The following PLD2 variants were observed in gnomAD, a reference collection of about 807,000 sequenced individuals.
PLD2 encodes choline phosphatase 2.
Under a neutral mutation model 119.8 loss-of-function variants are expected in PLD2, and 101 were observed. That is an observed-to-expected ratio of 0.84 (90% CI 0.72 to 0.99). The LOEUF (loss-of-function observed/expected upper bound fraction) is 0.99. PLD2 is among the 50% of genes least tolerant of loss of function. The pLI, the probability that PLD2 is intolerant of heterozygous loss-of-function variation, is 0.00. For synonymous variants in PLD2, 494 were observed against 482.8 expected, an observed-to-expected ratio of 1.02 and a Z score of -0.30; for missense variants, 1,164 against 1,226.8, an observed-to-expected ratio of 0.95 and a Z score of 0.76.
chr17:4,816,800 TG>T (rs1444039925), intron 15 of PLD2, 54 bp downstream of exon 15: 1 of 1,613,408 alleles, frequency 6.2e-7, no homozygotes, highest in Non-Finnish European at 8.5e-7. Flanking sequence ...GGTCAGAAGC[TG>T]GGGCTGGTAC....
rs778484982 is a variant in PLD2, at chr17:4,808,370, G to T, written c.337G>T (p.Asp113Tyr). The T allele has an allele frequency of 1.2e-6, 2 of 1,613,956 alleles. No homozygotes were observed. The highest frequency in any genetic ancestry group is 1.1e-5 in the South Asian group (1 of 91,070). Reference sequence around the variant, plus strand: ...CCGTCATTTTCAGGAGCTGCATCGGGACCTCCTGAGACACAAAGTCTTGAT... The same window carrying T: ...CCGTCATTTTCAGGAGCTGCATCGGTACCTCCTGAGACACAAAGTCTTGAT... ...KYRHFQELHR[D>Y]LLRHKVLMSL... Residue 113 changes from aspartate to tyrosine, a missense_variant, in exon 4 of 25, where the codon GAC becomes TAC. Transcript: ENST00000263088. The surrounding 1 kb of genome is among the most constrained non-coding windows in gnomAD (Gnocchi z 4.1).
intron 23 of PLD2, among the ~76,000 whole-genome samples, chr17:4,820,743 ATT>A: frequency 6.8e-6 from 1 of 146,522 alleles, no homozygotes; most frequent in Non-Finnish European, 1.5e-5. Context: ...CGCCCGGCTA[ATT>A]TTTTGTATTT....
At position 4,807,941 on chromosome 17, in the gene PLD2, G is replaced by A; in HGVS notation, c.110-43G>A. On this transcript the variant is annotated intron_variant, in intron 2 of 24. Transcript: ENST00000263088. The surrounding 1 kb of genome is among the most constrained non-coding windows in gnomAD (Gnocchi z 5.4). Reference sequence around the variant, plus strand: ...GAGGCGTTCGGGAGCCAGGGGGCTGGGGCCTGTTGTGGTCTACACTCCTCG... The same window carrying A: ...GAGGCGTTCGGGAGCCAGGGGGCTGAGGCCTGTTGTGGTCTACACTCCTCG... 1 of 1,606,436 alleles carries A rather than the reference G, an allele frequency of 6.2e-7. No individual in the cohort carries two copies. The highest frequency in any genetic ancestry group is 1.1e-5 in the South Asian group (1 of 90,806).
rs1286300046 is a variant in PLD2, at chr17:4,816,981, G to A, written c.1627G>A (p.Val543Ile). 3.7e-6 allele frequency: 6 copies of A among 1,614,068 alleles called. No individual in the cohort carries two copies. The highest frequency in any genetic ancestry group is 1.1e-5 in the South Asian group (1 of 91,076). The change falls in exon 16 of 25, where the codon GTT (valine) becomes ATT (isoleucine). Residue 543 changes from valine (V) to isoleucine (I), a missense_variant. By Grantham distance (29) the Val-to-Ile change is conservative (BLOSUM62 3). Transcript: ENST00000263088. ...ETTPRMPWRD[V>I]GVVVHGLPAR... ...GACCCCTCGGATGCCATGGCGGGAC[G>A]TTGGGGTGGTCGTCCATGGCCTACC...
rs901360927 is a variant in PLD2 at position 4,815,841 on chromosome 17, C to T, written c.1362C>T (p.Phe454=). 2 of 1,613,990 alleles carry T rather than the reference C, an allele frequency of 1.2e-6. No homozygotes were observed. The highest frequency in any genetic ancestry group is 2.7e-5 in the African/African-American group (2 of 74,908). ...TGGTGGTGGACCAAGTGGTAGCATT[C>T]CTGGGGGGACTGGACCTTGCCTATG... ...KLLVVDQVVA[F]LGGLDLAYGR... Residue 454 remains phenylalanine (F), a synonymous_variant, in exon 14 of 25, where the codon TTC becomes TTT. Transcript: ENST00000263088.
intron 10 of PLD2, among the ~76,000 whole-genome samples, chr17:4,813,454 TACAA>T (rs1431560474): frequency 1.3e-5 from 2 of 152,254 alleles, no homozygotes; most frequent in Non-Finnish European, 1.5e-5. Context: ...TTTTCACTCT[TACAA>T]ACAATGTGAT....
Position 4,819,029 on chromosome 17 carries a change from AG to A in PLD2, c.2174-52del, listed in dbSNP as rs1907346581. ...TTTCTGGAGTGAGAGGAGGTGGGAC[AG>A]GGCCCTGTGCACACAGAGCCACCTC... On this transcript the variant is annotated intron_variant, in intron 21 of 24. Transcript: ENST00000263088. The surrounding 1 kb of genome is among the most constrained non-coding windows in gnomAD (Gnocchi z 4.2). 6.2e-7 allele frequency: 1 copy of A among 1,604,366 alleles called. No homozygotes were observed.
At position 4,818,834 on chromosome 17, in the gene PLD2, G is replaced by A. The variant is rs915387723; in HGVS notation, c.2173+11G>A. The stretch of plus-strand genomic sequence containing the variant: ...GCCTTAAAGCAGCCAGTGAGTGCTG[G>A]GGGCTGGGGGCTCAAGCCCTGGGCC... On this transcript the variant is annotated intron_variant, in intron 21 of 24. Coordinates refer to ENST00000263088, the MANE Select transcript of PLD2 (RefSeq NM_002663.5). 1.2e-6 allele frequency: 2 copies of A among 1,613,490 alleles called. No homozygotes were observed. The highest frequency in any genetic ancestry group is 2.7e-5 in the African/African-American group (2 of 74,920).
At position 4,822,926 on chromosome 17, in the gene PLD2, C is replaced by A; in HGVS notation, c.*62C>A. The A allele has an allele frequency of 1.1e-6, 1 of 916,164 alleles. No homozygotes were observed. The highest frequency in any genetic ancestry group is 1.7e-6 in the Non-Finnish European group (1 of 578,870). The allele number at this position is 916,164 out of a possible 1,614,324, so 56.8% of individuals were successfully genotyped here. ...TGCCCCACCACGTCTGGCTCCCTGC[C>A]CCTTAACCCCAAGGACTGAGGGCAG... On this transcript the variant is annotated 3_prime_UTR_variant, in exon 25 of 25. Coordinates refer to ENST00000263088, the MANE Select transcript of PLD2 (RefSeq NM_002663.5).
At chr17:4,810,645 C>CAAAAATAAATAAATAA (rs1258581549) in intron 9 of PLD2, among the ~76,000 whole-genome samples, 157 bp from the exon 10 acceptor site, 2 of 151,864 alleles carry the variant, frequency 1.3e-5, no homozygotes, top group African/African-American at 4.8e-5. Flanking sequence ...AACTCTGTCT[C>CAAAAATAAATAAATAA]AAAAATAAAT....
chr17:4,820,871 C>G (rs1449831128), intron 23 of PLD2, among the ~76,000 whole-genome samples: 1 of 147,132 alleles, frequency 6.8e-6, no homozygotes, highest in Non-Finnish European at 1.5e-5. Context: ...CCACCACGCC[C>G]GGCCAAAAAA....
rs574935758 is a variant in PLD2 at position 4,818,482 on chromosome 17, C to G, written c.2010-12C>G. 5 of 1,607,884 alleles carry G rather than the reference C, an allele frequency of 3.1e-6. No homozygotes were observed. The highest frequency in any genetic ancestry group is 4.3e-6 in the Non-Finnish European group (5 of 1,174,412). Reference sequence around the variant, plus strand: ...GGGACCAGTCGCACCTCTGACTCCACCCCCTCCCCAGACAGGGGTGGTGTT... The same window carrying G: ...GGGACCAGTCGCACCTCTGACTCCAGCCCCTCCCCAGACAGGGGTGGTGTT... On this transcript the variant is annotated splice_polypyrimidine_tract_variant and intron_variant, in intron 19 of 24. Coordinates refer to ENST00000263088, the MANE Select transcript of PLD2 (RefSeq NM_002663.5).
Position 4,816,940 on chromosome 17 carries a change from T to G in PLD2, c.1586T>G (p.Phe529Cys). Residue 529 changes from phenylalanine to cysteine, a missense_variant, in exon 16 of 25, where the codon TTC becomes TGC. Phe to Cys is a radical substitution (Grantham distance 205). Transcript: ENST00000263088. ...TGACTCTCCTGGGACCCCCCAGATT[T>G]CATTGACAGGGAGACGACCCCTCGG... ...WVQLDRPFED[F>C]IDRETTPRMP... 1 of 1,612,178 alleles carries G rather than the reference T, an allele frequency of 6.2e-7. No individual in the cohort carries two copies. The highest frequency in any genetic ancestry group is 8.5e-7 in the Non-Finnish European group (1 of 1,178,786).
rs368028859 is a variant in PLD2 at position 4,821,784 on chromosome 17, C to T, written c.2463-9C>T. 99 of 1,598,296 alleles carry T rather than the reference C, an allele frequency of 6.2e-5. No individual in the cohort carries two copies. The highest frequency in any genetic ancestry group is 8.4e-5 in the Non-Finnish European group (98 of 1,165,850). ...AATCTGGCCCTGCTGGGACCCCTTT[C>T]TCCTATAGTGTGATTCTTGGAGCAA... On this transcript the variant is annotated splice_polypyrimidine_tract_variant and intron_variant, in intron 23 of 24. Transcript: ENST00000263088.
intron 10 of PLD2, among the ~76,000 whole-genome samples, chr17:4,811,765 G>A (rs990402051): frequency 1.3e-5 from 2 of 152,142 alleles, no homozygotes; most frequent in African/African-American, 4.8e-5. Context: ...TCCAGGAGGT[G>A]GTGACCCTCA....
Position 4,815,524 on chromosome 17 carries a change from G to C in PLD2, c.1222G>C (p.Ala408Pro). The stretch of plus-strand genomic sequence containing the variant: ...TCTGCTGTTTAAAGAAGTGGAATTG[G>C]CCTTGGGCATCAACAGTGGCTATAG... Reference protein sequence around the residue: ...SILLFKEVELALGINSGYSKR... With the variant: ...SILLFKEVELPLGINSGYSKR... Residue 408 changes from alanine to proline, a missense_variant, in exon 13 of 25, where the codon GCC becomes CCC. By Grantham distance (27) the Ala-to-Pro change is conservative (BLOSUM62 -1). Transcript: ENST00000263088. The C allele has an allele frequency of 6.2e-7, 1 of 1,613,720 alleles. No homozygotes were observed. Among genetic ancestry groups the C allele is most frequent in the Admixed American group, 1.7e-5 (1 of 59,972 alleles).
At position 4,818,516 on chromosome 17, in the gene PLD2, T is replaced by C. The variant is rs757930649; in HGVS notation, c.2032T>C (p.Tyr678His). Reference protein sequence around the residue: ...AHKQGWCYRVYVLLPLLPGFE... With the variant: ...AHKQGWCYRVHVLLPLLPGFE... ...CAGACAGGGGTGGTGTTACCGAGTCTACGTGCTTTTGCCCTTACTCCCTGG... is the reference window on the plus strand; with the variant it reads ...CAGACAGGGGTGGTGTTACCGAGTCCACGTGCTTTTGCCCTTACTCCCTGG... The change falls in exon 20 of 25, where the codon TAC (tyrosine) becomes CAC (histidine). Residue 678 changes from tyrosine (Y) to histidine (H), a missense_variant. Tyr to His is a moderately conservative substitution (Grantham distance 83, BLOSUM62 2). Transcript: ENST00000263088. 6.2e-7 allele frequency: 1 copy of C among 1,613,926 alleles called. No homozygotes were observed. Among genetic ancestry groups the C allele is most frequent in the South Asian group, 1.1e-5 (1 of 91,082 alleles).
Position 4,819,239 on chromosome 17 carries a change from T to G in PLD2, c.2308+21T>G, listed in dbSNP as rs1251892742. The G allele has an allele frequency of 6.2e-7, 1 of 1,613,002 alleles. No individual in the cohort carries two copies. The highest frequency in any genetic ancestry group is 8.5e-7 in the Non-Finnish European group (1 of 1,179,710). ...CATTGGTCAGTGCCGGATCTAGTCC[T>G]CTGGCAGGGAGAGGGTGTGGGGACA... On this transcript the variant is annotated intron_variant, in intron 22 of 24. Transcript: ENST00000263088. This position sits in a 1 kb window ranked among gnomAD's most constrained non-coding sequence, Gnocchi z 4.2.
Position 4,819,397 on chromosome 17 carries a change from C to T in PLD2, c.2309-32C>T. ...GGTACTGGGGAGAGTGCCCTGGGCC[C>T]AAGCACACAGTGTGCCCCGCATCCA... On this transcript the variant is annotated intron_variant, in intron 22 of 24. Transcript: ENST00000263088. This position sits in a 1 kb window ranked among gnomAD's most constrained non-coding sequence, Gnocchi z 4.2. The T allele has an allele frequency of 6.2e-7, 1 of 1,611,094 alleles. No individual in the cohort carries two copies. Among genetic ancestry groups the T allele is most frequent in the Non-Finnish European group, 8.5e-7 (1 of 1,178,622 alleles).
Sources: allele counts gnomAD v4.1 joint callset (sites outside exome capture counted in the v4.1 genomes callset), GRCh38; gene constraint gnomAD v4.1.1; non-coding constraint Gnocchi (gnomAD v3.1); transcripts MANE v1.5; gene names NCBI Gene and HGNC (gene_info 2026-07-23, HGNC 2026-07-21).